TPP2: variants seen among roughly 807,000 people sequenced by gnomAD.
TPP2 encodes the protein tripeptidyl-peptidase 2.
A neutral mutation model predicts 155.9 loss-of-function variants in TPP2; 34 were observed. The observed-to-expected ratio is 0.22, with a 90% confidence interval of 0.17 to 0.29. The LOEUF (loss-of-function observed/expected upper bound fraction) is 0.29, where lower values mean the gene tolerates loss of function less well. TPP2 is among the 10% of genes least tolerant of loss of function. The pLI is 1.00. For missense variants in TPP2, 1,028 were observed against 1,522.3 expected (o/e 0.68, Z 5.40); for synonymous variants, 510 against 529.4 (o/e 0.96, Z 0.50).
At chr13:102,608,482 T>C (rs906000310) in intron 2 of TPP2, among the ~76,000 whole-genome samples, 4 of 152,170 alleles carry the variant, frequency 2.6e-5, no homozygotes, top group African/African-American at 7.2e-5. Context: ...GATCCTCCAA[T>C]TTTTAAATTT....
intron 1 of TPP2, among the ~76,000 whole-genome samples, chr13:102,603,368 T>C (rs1879575531): frequency 6.6e-6 from 1 of 152,098 alleles, no homozygotes; most frequent in African/African-American, 2.4e-5. Flanking sequence ...GTGAAGGAAA[T>C]GAGGTACAGT....
intron 2 of TPP2, among the ~76,000 whole-genome samples, chr13:102,611,489 A>G (rs1321535189): frequency 6.6e-6 from 1 of 152,136 alleles, no homozygotes; most frequent in Non-Finnish European, 1.5e-5. Flanking sequence ...CAGCCTGACC[A>G]ACATGTCGAA....
intron 27 of TPP2, among the ~76,000 whole-genome samples, chr13:102,666,833 G>A (rs1042178421): frequency 3.0e-4 from 36 of 121,458 alleles, no homozygotes; most frequent in African/African-American, 1.1e-3. Flanking sequence ...GACTATCATG[G>A]CTATTGAAAT....
At chr13:102,654,847 A>G in intron 24 of TPP2, 2 of 423,280 alleles carry the variant, frequency 4.7e-6, no homozygotes, top group South Asian at 3.4e-5. Flanking sequence ...ACTTGGTGGT[A>G]GAAGATCAGC....
intron 16 of TPP2, 87 bp downstream of exon 16, chr13:102,640,463 T>A: frequency 3.1e-6 from 3 of 983,278 alleles, no homozygotes; most frequent in Non-Finnish European, 4.7e-6. Context: ...ATCTGTAGCA[T>A]GTATTTCCCT....
intron 28 of TPP2, among the ~76,000 whole-genome samples, chr13:102,675,632 G>A (rs1885236674): frequency 6.6e-6 from 1 of 151,386 alleles, no homozygotes; most frequent in Admixed American, 6.6e-5. Context: ...ACAAACACTT[G>A]ATGAACATAT....
At chr13:102,634,601 C>G (rs1192388077) in intron 11 of TPP2, among the ~76,000 whole-genome samples, 7 of 152,160 alleles carry the variant, frequency 4.6e-5, no homozygotes, top group Non-Finnish European at 1.0e-4. Context: ...AGAAACGTCC[C>G]TCTTTAAGTT....
intron 4 of TPP2, 68 bp downstream of exon 4, chr13:102,616,568 T>C: frequency 2.4e-6 from 3 of 1,252,624 alleles, no homozygotes; most frequent in Non-Finnish European, 3.2e-6. Flanking sequence ...TCTACAGAAC[T>C]AATAGACTGT....
At chr13:102,609,602 G>A (rs990321789) in intron 2 of TPP2, among the ~76,000 whole-genome samples, 65 of 151,728 alleles carry the variant, frequency 4.3e-4, no homozygotes, top group African/African-American at 1.5e-3. Flanking sequence ...TCACCATGTT[G>A]GCCAAGCTGG....
chr13:102,643,945 G>A (rs367712735), intron 17 of TPP2, among the ~76,000 whole-genome samples: 3 of 152,132 alleles, frequency 2.0e-5, no homozygotes, highest in African/African-American at 7.2e-5. Flanking sequence ...GTATCTCTTG[G>A]TTTCTGGTTA....
chr13:102,638,119 A>G, intron 14 of TPP2, 120 bp from the exon 15 acceptor site: 1 of 904,716 alleles, frequency 1.1e-6, no homozygotes, highest in Non-Finnish European at 1.7e-6. Context: ...ATTGGTGTCA[A>G]CCTCTGGTTA....
rs369191908 is a variant in TPP2 at position 102,674,376 on chromosome 13, C to T, written c.3465C>T (p.Asp1155=). 44 of 1,613,806 alleles carry T rather than the reference C, an allele frequency of 2.7e-5. No individual in the cohort carries two copies. The highest frequency in any genetic ancestry group is 2.3e-4 in the Admixed American group (14 of 59,986). The change falls in exon 28 of 30, where the codon GAC becomes GAT. Residue 1155 remains aspartate (D), a synonymous_variant. Transcript: ENST00000376052. The stretch of plus-strand genomic sequence containing the variant: ...ATCTTCTTCACACCCAGGCTCAAGA[C>T]GGAGCCATTTCCACTGATGCAGAAG... ...ADHLLHTQAQ[D]GAISTDAEGK... is the part of the protein sequence containing the mutation.
chr13:102,599,681 A>C (rs1238917002), intron 1 of TPP2, among the ~76,000 whole-genome samples: 6 of 152,184 alleles, frequency 3.9e-5, no homozygotes, highest in Admixed American at 2.0e-4. Context: ...TGAGAAGAGT[A>C]GTAGTTACGT....
chr13:102,660,250 A>G (rs1884117684), intron 25 of TPP2, among the ~76,000 whole-genome samples: 1 of 152,140 alleles, frequency 6.6e-6, no homozygotes, highest in Admixed American at 6.5e-5. Context: ...ATTTAAAAAT[A>G]TTCACTTAAT....
At chr13:102,644,734 C>T in intron 18 of TPP2, 61 bp downstream of exon 18, 1 of 1,488,514 alleles carries the variant, frequency 6.7e-7, no homozygotes, top group South Asian at 1.2e-5. Context: ...TGGAGAGTAA[C>T]TTCATTGGTT....
intron 27 of TPP2, among the ~76,000 whole-genome samples, chr13:102,665,274 T>C (rs1056397998): frequency 6.6e-6 from 1 of 152,220 alleles, no homozygotes; most frequent in Non-Finnish European, 1.5e-5. Flanking sequence ...ATTTTTAAAA[T>C]GTTTATTGTC....
chr13:102,634,196 C>T (rs1882214782), intron 11 of TPP2, 98 bp downstream of exon 11: 2 of 1,512,236 alleles, frequency 1.3e-6, no homozygotes, highest in South Asian at 1.2e-5. Flanking sequence ...TGATAATTCC[C>T]TGGGCACAAA....
rs184609154 is a variant in TPP2 at position 102,642,932 on chromosome 13, C to T, written c.2021-290C>T. Reference sequence around the variant, plus strand: ...TACCCGATTAATGTAATTGTGTATGCATCTATGGACAGCTTGCTGTTTCCA... The same window carrying T: ...TACCCGATTAATGTAATTGTGTATGTATCTATGGACAGCTTGCTGTTTCCA... On this transcript the variant is annotated intron_variant, in intron 16 of 29. Coordinates refer to ENST00000376052, the MANE Select transcript of TPP2 (RefSeq NM_001330588.2). Among the ~76,000 whole-genome samples the T allele has an allele frequency of 1.9e-3, 285 of 152,296 alleles. 1 individual carries two copies. The highest frequency in any genetic ancestry group is 6.5e-3 in the African/African-American group (271 of 41,578).
chr13:102,616,342 GT>G, intron 3 of TPP2, 53 bp from the exon 4 acceptor site: 4 of 1,431,472 alleles, frequency 2.8e-6, no homozygotes, highest in Non-Finnish European at 3.9e-6. Flanking sequence ...GCCTGTCTAG[GT>G]TTACCTGAGT....
Sources: gnomAD v4.1 joint callset for allele counts (sites outside exome capture counted in the v4.1 genomes callset) on GRCh38, gnomAD v4.1.1 for gene constraint, MANE v1.5 for transcripts, NCBI Gene and HGNC (gene_info 2026-07-23, HGNC 2026-07-21) for gene names.